The following CCDC171 variants were observed in gnomAD, a reference collection of about 807,000 sequenced individuals.
CCDC171 encodes coiled-coil domain containing 171, also known as coiled-coil domain-containing protein 171.
Under a neutral mutation model 168.2 loss-of-function variants are expected in CCDC171, and 177 were observed. That is an observed-to-expected ratio of 1.05 (90% CI 0.93 to 1.19). The LOEUF (loss-of-function observed/expected upper bound fraction) is 1.19. CCDC171 is among the 50% of genes most tolerant of loss of function. The pLI is 0.00. For synonymous variants in CCDC171, 687 were observed against 540.8 expected (o/e 1.27, Z -3.75); for missense variants, 1,991 against 1,539.0 (o/e 1.29, Z -4.91).
intron 8 of CCDC171, among the ~76,000 whole-genome samples, chr9:16,037,723 G>C (rs955548016): frequency 6.6e-6 from 1 of 151,984 alleles, no homozygotes; most frequent in African/African-American, 2.4e-5. Context: ...TAACAGATTA[G>C]ATATGGTTAA....
intron 3 of CCDC171, among the ~76,000 whole-genome samples, chr9:15,999,907 C>T (rs1382729131): frequency 6.6e-6 from 1 of 152,136 alleles, no homozygotes; most frequent in African/African-American, 2.4e-5. Flanking sequence ...TTCTCAGGAG[C>T]ACACTAGTAT....
intron 23 of CCDC171, among the ~76,000 whole-genome samples, chr9:15,873,002 C>T (rs1817379810): frequency 6.6e-6 from 1 of 152,058 alleles, no homozygotes; most frequent in Non-Finnish European, 1.5e-5. Flanking sequence ...GATAAATATA[C>T]ATTGTGAATT....
intron 25 of CCDC171, chr9:15,922,118 T>C: frequency 2.7e-6 from 1 of 376,104 alleles, no homozygotes; most frequent in South Asian, 2.1e-5. Flanking sequence ...CAGGATACAT[T>C]CATCATTTCA....
intron 7 of CCDC171, among the ~76,000 whole-genome samples, chr9:15,653,758 T>C (rs1235809537): frequency 6.6e-6 from 1 of 152,074 alleles, no homozygotes; most frequent in Non-Finnish European, 1.5e-5. Context: ...AGGGTTTATT[T>C]TATTTATTAA....
the CCDC171 span, among the ~76,000 whole-genome samples, chr9:16,086,071 C>T: frequency 3.3e-5 from 5 of 152,120 alleles, no homozygotes; most frequent in African/African-American, 4.8e-5. Flanking sequence ...GGCTGTGAGT[C>T]CGTCTGGTCC....
intron 16 of CCDC171, among the ~76,000 whole-genome samples, chr9:15,741,886 TA>T (rs1184653374): frequency 6.6e-6 from 1 of 152,184 alleles, no homozygotes; most frequent in Non-Finnish European, 1.5e-5. Flanking sequence ...TTTTCTCCAT[TA>T]TTAAGATACT....
chr9:16,037,360 C>A (rs1008510141), intron 8 of CCDC171, among the ~76,000 whole-genome samples: 16 of 152,202 alleles, frequency 1.1e-4, no homozygotes, highest in Non-Finnish European at 1.6e-4. Context: ...ACAAAACTCT[C>A]CTGGTTGTGA....
intron 7 of CCDC171, among the ~76,000 whole-genome samples, chr9:15,634,137 G>C (rs976892670): frequency 2.6e-5 from 4 of 151,718 alleles, no homozygotes; most frequent in Admixed American, 2.0e-4. Context: ...TAACTAACCT[G>C]CATATTGTGT....
At chr9:15,732,056 T>C (rs1057077504) in intron 16 of CCDC171, among the ~76,000 whole-genome samples, 3 of 152,208 alleles carry the variant, frequency 2.0e-5, no homozygotes, top group East Asian at 1.9e-4. Context: ...GTTTTTATTA[T>C]TGATTTCTAA....
rs796631183 is a variant in CCDC171, at chr9:15,787,351, CCT to C, written c.3267+2658_3267+2659del. 8.8e-4 allele frequency among the ~76,000 whole-genome samples: 134 copies of C among 152,062 alleles called. 1 individual carries two copies. The highest frequency in any genetic ancestry group is 2.5e-3 in the African/African-American group (104 of 41,476). On this transcript the variant is annotated intron_variant, in intron 21 of 25. Transcript: ENST00000380701. The stretch of plus-strand genomic sequence containing the variant: ...TTTCTGTCTAGCTGAAACTTTGTAC[CCT>C]TTGATTAACATTTGCCCATCCCCAC...
At chr9:16,070,204 A>G in the CCDC171 span, among the ~76,000 whole-genome samples, 2 of 152,146 alleles carry the variant, frequency 1.3e-5, no homozygotes, top group African/African-American at 4.8e-5. Flanking sequence ...TTCATATAAC[A>G]TGAGCCCCTC....
chr9:15,638,186 G>A (rs1383682014), intron 7 of CCDC171, among the ~76,000 whole-genome samples: 1 of 152,062 alleles, frequency 6.6e-6, no homozygotes, highest in Non-Finnish European at 1.5e-5. Flanking sequence ...CTATTTGTAA[G>A]AATTTTACAA....
chr9:16,060,139 G>C (rs186129613), intron 1 of CCDC171, among the ~76,000 whole-genome samples: 1 of 151,012 alleles, frequency 6.6e-6, no homozygotes, highest in Admixed American at 6.6e-5. Context: ...CTCCTTTGCA[G>C]GGTCTTCTCT....
chr9:16,004,428 G>T (rs753906851), intron 3 of CCDC171, among the ~76,000 whole-genome samples: 5 of 152,198 alleles, frequency 3.3e-5, no homozygotes, highest in Non-Finnish European at 7.3e-5. Flanking sequence ...TACAGCTATT[G>T]CTTGTCTCTT....
chr9:16,070,807 C>G, the CCDC171 span, among the ~76,000 whole-genome samples: 6 of 152,236 alleles, frequency 3.9e-5, no homozygotes, highest in African/African-American at 1.4e-4. Flanking sequence ...CACTCTCCAC[C>G]TCTCTGACCG....
chr9:15,691,301 T>C (rs2050756581), intron 10 of CCDC171, among the ~76,000 whole-genome samples: 1 of 151,834 alleles, frequency 6.6e-6, no homozygotes, highest in Non-Finnish European at 1.5e-5. Flanking sequence ...ATGTGAAACA[T>C]ACTATGAGTG....
intron 6 of CCDC171, among the ~76,000 whole-genome samples, chr9:15,618,030 C>A (rs2044221809): frequency 6.6e-6 from 1 of 152,148 alleles, no homozygotes. Flanking sequence ...AGTGCGGGTG[C>A]GCTGTGCTGG....
At chr9:15,555,698 T>A (rs1217402446) in intron 1 of CCDC171, among the ~76,000 whole-genome samples, 4 of 152,196 alleles carry the variant, frequency 2.6e-5, no homozygotes, top group African/African-American at 9.6e-5. Context: ...TCTTTTATTA[T>A]TATACTTTAA....
the CCDC171 span, among the ~76,000 whole-genome samples, chr9:16,108,053 G>A: frequency 0.44 from 66,516 of 152,034 alleles, 16,805 homozygotes; most frequent in African/African-American, 0.7. Flanking sequence ...CAGGGTCAGC[G>A]GTATAAACTT....
Sources: allele counts gnomAD v4.1 joint callset (sites outside exome capture counted in the v4.1 genomes callset), GRCh38; gene constraint gnomAD v4.1.1; transcripts MANE v1.5; gene names NCBI Gene and HGNC (gene_info 2026-07-23, HGNC 2026-07-21).